NFIB: variants seen among roughly 807,000 people sequenced by gnomAD.
NFIB encodes nuclear factor 1 B-type.
Under a neutral mutation model 61.5 loss-of-function variants are expected in NFIB, and 11 were observed. That is an observed-to-expected ratio of 0.18 (90% CI 0.11 to 0.30). The LOEUF (loss-of-function observed/expected upper bound fraction) is 0.30. NFIB is among the 10% of genes least tolerant of loss of function. NFIB has a pLI of 1.00. For synonymous variants in NFIB, 260 were observed against 216.5 expected (o/e 1.20, Z -1.76); for missense variants, 471 against 608.9 (o/e 0.77, Z 2.38).
chr9:14,251,476 C>A (rs2055611227), intron 2 of NFIB, among the ~76,000 whole-genome samples: 1 of 152,146 alleles, frequency 6.6e-6, no homozygotes. Flanking sequence ...TGCTGCCAGC[C>A]CCTTGGGTAT....
chr9:14,435,384 T>G, the NFIB span, among the ~76,000 whole-genome samples: 2 of 152,228 alleles, frequency 1.3e-5, no homozygotes, highest in East Asian at 3.8e-4. Flanking sequence ...AGCATACAAA[T>G]TGTGGAACCA....
chr9:14,163,049 C>T (rs1282381630), intron 3 of NFIB, among the ~76,000 whole-genome samples: 2 of 152,038 alleles, frequency 1.3e-5, no homozygotes, highest in Non-Finnish European at 2.9e-5. Context: ...CTCTTCTACA[C>T]CTCACATTTC....
the NFIB span, among the ~76,000 whole-genome samples, chr9:14,525,201 G>A: frequency 6.6e-6 from 1 of 152,294 alleles, no homozygotes; most frequent in African/African-American, 2.4e-5. Context: ...GCCCCAGAAA[G>A]AGGCATGAAA....
chr9:14,205,784 C>G lies in NFIB; in HGVS notation c.563-26004G>C, dbSNP rs565387429. Among the ~76,000 whole-genome samples the G allele has an allele frequency of 2.0e-5, 3 of 152,322 alleles. No homozygotes were observed. The East Asian group carries it at 5.8e-4, about 29-fold the overall frequency. On this transcript the variant is annotated intron_variant, in intron 2 of 10. Transcript: ENST00000380953. The stretch of plus-strand genomic sequence containing the variant: ...CTTATTCACTGAATGCCCATTCTAG[C>G]TTGAATTATATGTCCACACACTCAG...
At chr9:14,453,611 T>A in the NFIB span, among the ~76,000 whole-genome samples, 1 of 152,232 alleles carries the variant, frequency 6.6e-6, no homozygotes, top group Non-Finnish European at 1.5e-5. Flanking sequence ...ATTAGTTTAC[T>A]CATTTATTTC....
intron 7 of NFIB, among the ~76,000 whole-genome samples, chr9:14,123,190 G>T (rs1017620834): frequency 6.6e-6 from 1 of 151,090 alleles, no homozygotes; most frequent in Non-Finnish European, 1.5e-5. Flanking sequence ...CTGGGAGGCA[G>T]AGGTTGCAGC....
At chr9:14,177,635 C>T (rs754640402) in intron 3 of NFIB, among the ~76,000 whole-genome samples, 2 of 151,962 alleles carry the variant, frequency 1.3e-5, no homozygotes, top group Admixed American at 6.6e-5. Context: ...TACATTCTGG[C>T]TCTAAAAAAA....
chr9:14,151,329 G>A (rs546869786), intron 4 of NFIB, among the ~76,000 whole-genome samples: 39 of 152,224 alleles, frequency 2.6e-4, no homozygotes, highest in African/African-American at 8.7e-4. Context: ...AGGTATAAAT[G>A]AACCTGTTCG....
chr9:14,503,317 T>C, the NFIB span, among the ~76,000 whole-genome samples: 46 of 152,280 alleles, frequency 3.0e-4, no homozygotes, highest in African/African-American at 1.1e-3. Flanking sequence ...AGGAGTGGGA[T>C]TGCCGGATCA....
At chr9:14,101,914 T>C (rs768820377) in intron 10 of NFIB, among the ~76,000 whole-genome samples, 45 of 152,344 alleles carry the variant, frequency 3.0e-4, no homozygotes, top group Admixed American at 1.4e-3. Flanking sequence ...CCAAAATTTA[T>C]GGGTGCTGTC....
At chr9:14,508,770 T>A in the NFIB span, among the ~76,000 whole-genome samples, 1 of 152,216 alleles carries the variant, frequency 6.6e-6, no homozygotes, top group East Asian at 1.9e-4. Flanking sequence ...AGCCCCCCTT[T>A]TGCCTGTGCT....
chr9:14,482,210 T>A, the NFIB span, among the ~76,000 whole-genome samples: 1 of 152,144 alleles, frequency 6.6e-6, no homozygotes, highest in Non-Finnish European at 1.5e-5. Flanking sequence ...TCTGTTAAAC[T>A]TCTTTGTCTA....
chr9:14,354,316 G>A (rs2061150697), intron 1 of NFIB, among the ~76,000 whole-genome samples: 1 of 152,166 alleles, frequency 6.6e-6, no homozygotes, highest in African/African-American at 2.4e-5. Context: ...CTGCAAGAAA[G>A]CTGCAGAGTG....
intron 2 of NFIB, among the ~76,000 whole-genome samples, chr9:14,182,906 T>C (rs1442609344): frequency 6.6e-6 from 1 of 151,988 alleles, no homozygotes; most frequent in Admixed American, 6.6e-5. Flanking sequence ...CAAGATTCTA[T>C]CACATTAAGC....
At chr9:14,512,465 G>T in the NFIB span, among the ~76,000 whole-genome samples, 1 of 151,882 alleles carries the variant, frequency 6.6e-6, no homozygotes, top group Non-Finnish European at 1.5e-5. Flanking sequence ...AAGTATCTTC[G>T]TATTTCTAGG....
chr9:14,479,938 TC>T, the NFIB span, among the ~76,000 whole-genome samples: 1 of 149,772 alleles, frequency 6.7e-6, no homozygotes, highest in South Asian at 2.1e-4. Context: ...ATACTGAAAA[TC>T]CCTGGTTGGA....
intron 1 of NFIB, among the ~76,000 whole-genome samples, chr9:14,334,274 T>G (rs760060879): frequency 4.6e-5 from 7 of 152,136 alleles, no homozygotes; most frequent in Non-Finnish European, 7.4e-5. Flanking sequence ...TGTGGTAAAT[T>G]TTCGTAGACA....
intron 2 of NFIB, among the ~76,000 whole-genome samples, chr9:14,293,807 T>C (rs2059253342): frequency 6.6e-6 from 1 of 152,166 alleles, no homozygotes; most frequent in East Asian, 1.9e-4. Flanking sequence ...ATATATCTGG[T>C]ATGTCATGTA....
intron 2 of NFIB, among the ~76,000 whole-genome samples, chr9:14,221,602 G>C (rs931231325): frequency 1.3e-5 from 2 of 152,116 alleles, no homozygotes; most frequent in African/African-American, 4.8e-5. Context: ...ATTTTGCACA[G>C]AGCTGGTCCT....
Sources: gnomAD v4.1 joint callset for allele counts (sites outside exome capture counted in the v4.1 genomes callset) on GRCh38, gnomAD v4.1.1 for gene constraint, MANE v1.5 for transcripts, NCBI Gene and HGNC (gene_info 2026-07-23, HGNC 2026-07-21) for gene names.